The following RAB10 variants were observed in gnomAD, a reference collection of about 807,000 sequenced individuals.
RAB10 encodes RAB10, member RAS oncogene family, also known as ras-related protein Rab-10.
A neutral mutation model predicts 25.7 loss-of-function variants in RAB10; 5 were observed. That is an observed-to-expected ratio of 0.19 (90% CI 0.10 to 0.41). RAB10 has a LOEUF of 0.41. Ranked by LOEUF, RAB10 falls within the 10% of genes least tolerant of loss-of-function variation. The pLI is 1.00. For missense variants in RAB10, 103 were observed against 245.8 expected, an observed-to-expected ratio of 0.42 and a Z score of 3.89; for synonymous variants, 89 against 86.4, an observed-to-expected ratio of 1.03 and a Z score of -0.16.
At chr2:26,064,620 C>T (rs1211067193) in intron 1 of RAB10, among the ~76,000 whole-genome samples, 1 of 152,136 alleles carries the variant, frequency 6.6e-6, no homozygotes, top group East Asian at 1.9e-4. Flanking sequence ...GCTGGGGTTA[C>T]AGTGCTGGGA....
intron 3 of RAB10, among the ~76,000 whole-genome samples, chr2:26,113,680 G>A (rs1157529007): frequency 1.3e-5 from 2 of 149,176 alleles, no homozygotes; most frequent in Non-Finnish European, 3.0e-5. Context: ...AAGATCAAGA[G>A]CATGGCAAGA....
At chr2:26,115,093 C>T (rs1411416288) in intron 3 of RAB10, among the ~76,000 whole-genome samples, 1 of 152,210 alleles carries the variant, frequency 6.6e-6, no homozygotes, top group Non-Finnish European at 1.5e-5. Context: ...CTCTAACAAG[C>T]GTTCACAAAG....
chr2:26,076,802 G>A (rs1482792092), intron 1 of RAB10, among the ~76,000 whole-genome samples: 3 of 151,930 alleles, frequency 2.0e-5, no homozygotes, highest in Non-Finnish European at 4.4e-5. Context: ...AAATTAGCTG[G>A]GCGTGGTGGC....
Position 26,133,459 on chromosome 2 carries a change from A to G in RAB10, c.520-1479A>G, listed in dbSNP as rs1189488514. 2.0e-5 allele frequency among the ~76,000 whole-genome samples: 3 copies of G among 152,206 alleles called. No homozygotes were observed. In the South Asian group the frequency reaches 6.2e-4, roughly 32 times the overall value. On this transcript the variant is annotated intron_variant, in intron 5 of 5. Coordinates refer to ENST00000264710, the MANE Select transcript of RAB10 (RefSeq NM_016131.5). ...TATTGGGTAACTTGAAGAGAGCAGT[A>G]CTGGCAGGAAAGGGGCACAAGGGAG...
intron 1 of RAB10, among the ~76,000 whole-genome samples, chr2:26,087,980 C>T (rs189727855): frequency 6.6e-6 from 1 of 152,284 alleles, no homozygotes; most frequent in Non-Finnish European, 1.5e-5. Flanking sequence ...AGTAACAAAG[C>T]TAAGACTAGA....
At chr2:26,039,151 C>T (rs1175549322) in intron 1 of RAB10, among the ~76,000 whole-genome samples, 2 of 151,360 alleles carry the variant, frequency 1.3e-5, no homozygotes, top group Admixed American at 6.6e-5. Context: ...TCCCAGGTAC[C>T]TGGGATTATA....
At chr2:26,080,496 A>G (rs1022152137) in intron 1 of RAB10, among the ~76,000 whole-genome samples, 11 of 152,132 alleles carry the variant, frequency 7.2e-5, no homozygotes, top group Admixed American at 7.2e-4. Context: ...CCAAATGCAA[A>G]CAAACCTAAA....
At chr2:26,125,261 A>G (rs1667882681) in intron 3 of RAB10, among the ~76,000 whole-genome samples, 1 of 151,848 alleles carries the variant, frequency 6.6e-6, no homozygotes, top group South Asian at 2.1e-4. Context: ...CCTCGCCAAT[A>G]TGTGTTTTCT....
At chr2:26,066,070 T>C (rs1195943717) in intron 1 of RAB10, among the ~76,000 whole-genome samples, 4 of 152,204 alleles carry the variant, frequency 2.6e-5, no homozygotes, top group African/African-American at 7.2e-5. Context: ...TGTTTTACTT[T>C]GAACAGAGTT....
At chr2:26,102,367 G>T (rs1228958723) in intron 2 of RAB10, among the ~76,000 whole-genome samples, 1 of 151,740 alleles carries the variant, frequency 6.6e-6, no homozygotes, top group Non-Finnish European at 1.5e-5. Flanking sequence ...TTATTTTCCA[G>T]GGCAGATCTA....
intron 3 of RAB10, among the ~76,000 whole-genome samples, chr2:26,123,887 T>G (rs1553730617): frequency 6.6e-6 from 1 of 152,158 alleles, no homozygotes; most frequent in Non-Finnish European, 1.5e-5. Flanking sequence ...AAAGTTAAAC[T>G]GAGTGTGCCT....
At chr2:26,113,972 A>G (rs1209576888) in intron 3 of RAB10, among the ~76,000 whole-genome samples, 1 of 152,192 alleles carries the variant, frequency 6.6e-6, no homozygotes, top group African/African-American at 2.4e-5. Flanking sequence ...TACATTGAGA[A>G]TAAATTTCCA....
chr2:26,130,726 G>T (rs897602298), intron 5 of RAB10, among the ~76,000 whole-genome samples: 1 of 152,118 alleles, frequency 6.6e-6, no homozygotes, highest in Admixed American at 6.5e-5. Flanking sequence ...TGGAATTACA[G>T]GTGTGAGCCA....
intron 1 of RAB10, among the ~76,000 whole-genome samples, chr2:26,048,016 G>GC (rs1666052205): frequency 6.6e-6 from 1 of 151,306 alleles, no homozygotes; most frequent in South Asian, 2.1e-4. Flanking sequence ...ACAGGCGTGA[G>GC]CCACCGTGCC....
chr2:26,109,014 C>CAGTTCTCTTACCTCAGCCTCCCG (rs1667520777), intron 2 of RAB10, among the ~76,000 whole-genome samples: 1 of 151,914 alleles, frequency 6.6e-6, no homozygotes, highest in African/African-American at 2.4e-5. Flanking sequence ...TGTGTTCAAG[C>CAGTTCTCTTACCTCAGCCTCCCG]AGTTCTCTTA....
chr2:26,099,532 G>GTTTTT lies in RAB10; in HGVS notation c.188+832_188+836dup, dbSNP rs70950167. Among the ~76,000 whole-genome samples, 4 of 73,328 alleles carry GTTTTT rather than the reference G, an allele frequency of 5.5e-5. No homozygotes were observed. In the Admixed American group the frequency reaches 5.7e-4, roughly 10 times the overall value. The allele number at this position is 73,328 out of a possible 152,430, so 48.1% of individuals were successfully genotyped here. A position where few individuals can be genotyped will look rare whatever the true frequency, so the allele number is the denominator to read the frequency against. ...GTATTTCTGTTTTTTGTTTTTTTGG[G>GTTTTT]TTTTTTTTTTTTTTTTTTTTTTTTT... On this transcript the variant is annotated intron_variant, in intron 2 of 5. Transcript: ENST00000264710.
chr2:26,112,502 A>G (rs1667594123), intron 3 of RAB10, among the ~76,000 whole-genome samples: 1 of 152,182 alleles, frequency 6.6e-6, no homozygotes, highest in Non-Finnish European at 1.5e-5. Context: ...GGGAACAAAG[A>G]CCTAATATAT....
chr2:26,095,434 C>T (rs937090156), intron 1 of RAB10, among the ~76,000 whole-genome samples: 4 of 152,018 alleles, frequency 2.6e-5, no homozygotes, highest in Admixed American at 1.3e-4. Context: ...GGTGAAACCC[C>T]GTCTCTACTA....
chr2:26,104,943 T>C lies in RAB10; in HGVS notation c.189-4825T>C, dbSNP rs147968549. Among the ~76,000 whole-genome samples, 321 of 152,128 alleles carry C rather than the reference T, an allele frequency of 2.1e-3. 1 individual carries two copies. The highest frequency in any genetic ancestry group is 7.6e-3 in the African/African-American group (314 of 41,486). On this transcript the variant is annotated intron_variant, in intron 2 of 5. Transcript: ENST00000264710. ...TATTAGAGTTGGGTTTTCACTGTGT[T>C]AGCCAGGATGGTCTCAGTCTCCTGA... is the stretch of plus-strand genomic sequence containing the variant.
Sources: allele counts gnomAD v4.1 joint callset (sites outside exome capture counted in the v4.1 genomes callset), GRCh38; gene constraint gnomAD v4.1.1; transcripts MANE v1.5; gene names NCBI Gene and HGNC (gene_info 2026-07-23, HGNC 2026-07-21).